The following LRRIQ1 variants were observed in gnomAD, a reference collection of about 807,000 sequenced individuals.
LRRIQ1 encodes leucine rich repeats and IQ motif containing 1, also known as leucine-rich repeat- and IQ domain-containing protein 1.
Under a neutral mutation model 211.9 loss-of-function variants are expected in LRRIQ1, and 210 were observed. That is an observed-to-expected ratio of 0.99 (90% CI 0.89 to 1.11). The LOEUF (loss-of-function observed/expected upper bound fraction) is 1.11. LRRIQ1 is among the 50% of genes most tolerant of loss of function. The pLI, the probability that LRRIQ1 is intolerant of heterozygous loss-of-function variation, is 0.00. For missense variants in LRRIQ1, 2,136 were observed against 1,939.5 expected (o/e 1.10, Z -1.90); for synonymous variants, 699 against 650.1 (o/e 1.08, Z -1.14).
chr12:85,140,632 T>C (rs1183298786), intron 19 of LRRIQ1, among the ~76,000 whole-genome samples: 1 of 151,220 alleles, frequency 6.6e-6, no homozygotes, highest in Non-Finnish European at 1.5e-5. Context: ...TAATGTTAAA[T>C]AGTGATGATA....
intron 24 of LRRIQ1, among the ~76,000 whole-genome samples, chr12:85,219,368 A>G (rs1894296088): frequency 2.0e-5 from 3 of 152,164 alleles, no homozygotes; most frequent in Non-Finnish European, 2.9e-5. Flanking sequence ...TGTTTCTGCT[A>G]TTGCAGAGGG....
chr12:85,071,912 C>A (rs938380492), intron 10 of LRRIQ1, among the ~76,000 whole-genome samples: 1 of 152,014 alleles, frequency 6.6e-6, no homozygotes, highest in Non-Finnish European at 1.5e-5. Context: ...GGGATTATTA[C>A]AATTCAAGGT....
chr12:85,066,880 A>T lies in LRRIQ1; in HGVS notation c.2677A>T (p.Asn893Tyr). 1 of 1,514,106 alleles carries T rather than the reference A, an allele frequency of 6.6e-7. No individual in the cohort carries two copies. The highest frequency in any genetic ancestry group is 1.3e-5 in the South Asian group (1 of 79,192). 93.8% of individuals were successfully genotyped at this position (1,514,106 alleles called of 1,614,324 possible). ...TNIQCLELSY[N>Y]KITRIGYSFF... is the part of the protein sequence containing the mutation. The stretch of plus-strand genomic sequence containing the variant: ...TATTCAGTGTCTTGAACTTTCATAT[A>T]ATAAAATTACTCGAATTGGTAAGAA... Residue 893 changes from asparagine (N) to tyrosine (Y), a missense_variant, in exon 10 of 27, where the codon AAT becomes TAT. Coordinates refer to ENST00000393217, the MANE Select transcript of LRRIQ1 (RefSeq NM_001079910.2).
intron 7 of LRRIQ1, 56 bp from the exon 8 acceptor site, chr12:85,055,486 CATTTT>C: frequency 8.0e-7 from 1 of 1,252,950 alleles, no homozygotes; most frequent in Non-Finnish European, 1.0e-6. Context: ...TTTCAGATGA[CATTTT>C]AGTAACATCT....
intron 24 of LRRIQ1, among the ~76,000 whole-genome samples, chr12:85,187,991 T>C (rs1380907203): frequency 6.6e-6 from 1 of 152,008 alleles, no homozygotes; most frequent in Non-Finnish European, 1.5e-5. Context: ...CCAACCTACA[T>C]GTCCTTAGTG....
intron 8 of LRRIQ1, among the ~76,000 whole-genome samples, chr12:85,059,426 A>G (rs1223234176): frequency 1.3e-5 from 2 of 152,116 alleles, no homozygotes; most frequent in Non-Finnish European, 2.9e-5. Context: ...TACACTGTAG[A>G]GTATTTGTTG....
chr12:85,192,396 ATATATATT>A (rs1465387046), intron 24 of LRRIQ1, among the ~76,000 whole-genome samples: 3 of 136,368 alleles, frequency 2.2e-5, no homozygotes, highest in Non-Finnish European at 4.6e-5. Flanking sequence ...TATATAGTGT[ATATATATT>A]TATATAATTA....
chr12:85,138,701 CAG>C (rs1285624442), intron 19 of LRRIQ1, among the ~76,000 whole-genome samples: 1 of 151,404 alleles, frequency 6.6e-6, no homozygotes, highest in Non-Finnish European at 1.5e-5. Flanking sequence ...TGATATAAAA[CAG>C]AAATTTTTAA....
At chr12:85,174,435 C>G (rs1186419996) in intron 24 of LRRIQ1, among the ~76,000 whole-genome samples, 1 of 151,740 alleles carries the variant, frequency 6.6e-6, no homozygotes, top group African/African-American at 2.4e-5. Context: ...GTGGCTCACA[C>G]CTGTAATCCC....
intron 24 of LRRIQ1, among the ~76,000 whole-genome samples, chr12:85,191,101 G>A (rs904635335): frequency 3.3e-5 from 5 of 151,836 alleles, no homozygotes; most frequent in Admixed American, 1.3e-4. Flanking sequence ...CATGTACTCC[G>A]CAAATGTACA....
At chr12:85,103,295 G>A (rs1468081538) in intron 13 of LRRIQ1, among the ~76,000 whole-genome samples, 1 of 151,160 alleles carries the variant, frequency 6.6e-6, no homozygotes, top group African/African-American at 2.4e-5. Flanking sequence ...TAATTAATTA[G>A]TATTAATTTT....
At position 85,058,582 on chromosome 12, in the gene LRRIQ1, A is replaced by G. The variant is rs564903512; in HGVS notation, c.2391+1398A>G. The stretch of plus-strand genomic sequence containing the variant: ...TAGGTCTCTGTTCTGTCCAATGAGA[A>G]GGAAGTTAAGATGTGTGAGCCTCTT... On this transcript the variant is annotated intron_variant, in intron 8 of 26. Coordinates refer to ENST00000393217, the MANE Select transcript of LRRIQ1 (RefSeq NM_001079910.2). Among the ~76,000 whole-genome samples, 4 of 152,096 alleles carry G rather than the reference A, an allele frequency of 2.6e-5. No individual in the cohort carries two copies. The South Asian group carries it at 8.3e-4, about 32-fold the overall frequency.
At chr12:85,193,276 A>G (rs536169534) in intron 24 of LRRIQ1, among the ~76,000 whole-genome samples, 5,350 of 122,302 alleles carry the variant, frequency 0.044, 427 homozygotes, top group African/African-American at 0.16. Context: ...GAACTTCCCC[A>G]ATCTAGCAAG....
In LRRIQ1 at chr12:85,040,588, T is replaced by TA. The variant is rs1476094309; in HGVS notation, c.232dup (p.Thr78AsnfsTer2). ...AGCTCATTCTTCAGGACCTGGAAGA[T>TA]ACTGATATTTTAAGTAAGTACTATT... is the stretch of plus-strand genomic sequence containing the variant. On this transcript the variant is annotated frameshift_variant, in exon 3 of 27. Coordinates refer to ENST00000393217, the MANE Select transcript of LRRIQ1 (RefSeq NM_001079910.2). LOFTEE classifies it high-confidence loss of function. 6.3e-7 allele frequency: 1 copy of TA among 1,581,150 alleles called. No individual in the cohort carries two copies. The highest frequency in any genetic ancestry group is 1.4e-5 in the African/African-American group (1 of 74,002).
intron 18 of LRRIQ1, among the ~76,000 whole-genome samples, chr12:85,132,410 G>A (rs566568209): frequency 9.7e-4 from 148 of 152,202 alleles, no homozygotes; most frequent in Non-Finnish European, 1.4e-3. Flanking sequence ...TGGCCCATTT[G>A]CCATGTTAGG....
chr12:85,106,258 C>G (rs73379795), intron 14 of LRRIQ1, among the ~76,000 whole-genome samples: 45 of 152,104 alleles, frequency 3.0e-4, no homozygotes, highest in Non-Finnish European at 5.9e-4. Flanking sequence ...CTCATTTAAT[C>G]CTAACCCTAT....
chr12:85,056,228 A>T lies in LRRIQ1; in HGVS notation c.1435A>T (p.Lys479Ter), dbSNP rs892551790. 1 of 1,571,322 alleles carries T rather than the reference A, an allele frequency of 6.4e-7. No homozygotes were observed. The highest frequency in any genetic ancestry group is 8.6e-7 in the Non-Finnish European group (1 of 1,168,390). Residue 479 changes from lysine to a stop codon, truncating the protein, a stop_gained, in exon 8 of 27, where the codon AAA (lysine) becomes TAA (stop). Coordinates refer to ENST00000393217, the MANE Select transcript of LRRIQ1 (RefSeq NM_001079910.2). LOFTEE classifies it high-confidence loss of function. The part of the protein sequence containing the change: ...ISSQTILADF[K>*]MEEKNENLAK... Reference sequence around the variant, plus strand: ...AAGCCAAACAATTCTGGCAGATTTTAAAATGGAAGAAAAAAATGAAAACCT... The same window carrying T: ...AAGCCAAACAATTCTGGCAGATTTTTAAATGGAAGAAAAAAATGAAAACCT...
chr12:85,258,573 C>T (rs1244943208), intron 1 of LRRIQ1, among the ~76,000 whole-genome samples: 2 of 151,862 alleles, frequency 1.3e-5, no homozygotes, highest in African/African-American at 4.8e-5. Context: ...TTGGACACAG[C>T]AGTGACCTTA....
intron 24 of LRRIQ1, among the ~76,000 whole-genome samples, chr12:85,193,563 A>G (rs1481050817): frequency 8.1e-5 from 12 of 147,558 alleles, no homozygotes; most frequent in South Asian, 2.2e-4. Flanking sequence ...TTTCATATCC[A>G]GCCAAACTAA....
Sources: allele counts gnomAD v4.1 joint callset (sites outside exome capture counted in the v4.1 genomes callset), GRCh38; gene constraint gnomAD v4.1.1; transcripts MANE v1.5; gene names NCBI Gene and HGNC (gene_info 2026-07-23, HGNC 2026-07-21).